Variants in FBXW12 observed in about 807,000 individuals in gnomAD.
FBXW12 encodes the protein F-box/WD repeat-containing protein 12.
FBXW12 carries 43 observed loss-of-function variants against 55.3 expected under a neutral mutation model. The ratio of observed to expected loss-of-function variants is 0.78; its 90% CI spans 0.61 to 1.00. The LOEUF (loss-of-function observed/expected upper bound fraction) is 1.00, where lower values mean the gene tolerates loss of function less well. FBXW12 is among the 50% of genes least tolerant of loss of function. The pLI is 0.00. For missense variants in FBXW12, 524 were observed against 560.5 expected, an observed-to-expected ratio of 0.93 and a Z score of 0.66; for synonymous variants, 184 against 203.8, an observed-to-expected ratio of 0.90 and a Z score of 0.83.
intron 10 of FBXW12, among the ~76,000 whole-genome samples, chr3:48,393,340 C>T (rs1295152645): frequency 6.6e-6 from 1 of 151,994 alleles, no homozygotes; most frequent in East Asian, 1.9e-4. Flanking sequence ...GGGAGATAGT[C>T]GACAGGACTC....
At chr3:48,394,442 C>T (rs191482382) in intron 10 of FBXW12, 118 bp from the exon 11 acceptor site, 67 of 641,638 alleles carry the variant, frequency 1.0e-4, no homozygotes, top group African/African-American at 5.5e-4. Context: ...TCTAAGAGCA[C>T]GAAGGACCAA....
intron 10 of FBXW12, among the ~76,000 whole-genome samples, chr3:48,393,018 A>G (rs909615106): frequency 1.5e-4 from 20 of 135,914 alleles, no homozygotes; most frequent in Non-Finnish European, 2.6e-4. Flanking sequence ...TTTTTGAGAC[A>G]AAGTCTCACT....
intron 10 of FBXW12, among the ~76,000 whole-genome samples, chr3:48,392,861 G>A (rs950380056): frequency 1.4e-4 from 21 of 152,098 alleles, no homozygotes; most frequent in Admixed American, 1.2e-3. Context: ...GATATGTCTG[G>A]TATGAAATTC....
chr3:48,372,782 G>A lies in FBXW12; in HGVS notation c.15G>A (p.Leu5=). 6.2e-7 allele frequency: 1 copy of A among 1,614,222 alleles called. No individual in the cohort carries two copies. The highest frequency in any genetic ancestry group is 8.5e-7 in the Non-Finnish European group (1 of 1,180,028). The part of the protein sequence containing the change: MEIR[L]PDLALKRIFS... ...GGCCGCATGAAATGGAGATCCGATTGCCTGACTTAGCTTTGAAGCGAATCT... is the reference window on the plus strand; with the variant it reads ...GGCCGCATGAAATGGAGATCCGATTACCTGACTTAGCTTTGAAGCGAATCT... The change falls in exon 2 of 11, where the codon TTG becomes TTA. Residue 5 remains leucine, a synonymous_variant. Coordinates refer to ENST00000296438, the MANE Select transcript of FBXW12 (RefSeq NM_207102.2).
chr3:48,373,646 A>C lies in FBXW12; in HGVS notation c.227A>C (p.Glu76Ala), dbSNP rs2036636594. ...KQFFLHQRRK[E>A]LRLALAQPHN... is the part of the protein sequence containing the mutation. ...TTTTTCCTGCATCAAAGAAGGAAGG[A>C]GCTTCGGTTGGCATTGGCACAGCCG... Residue 76 changes from glutamate to alanine, a missense_variant, in exon 4 of 11, where the codon GAG (glutamate) becomes GCG (alanine). Coordinates refer to ENST00000296438, the MANE Select transcript of FBXW12 (RefSeq NM_207102.2). 3.1e-6 allele frequency: 5 copies of C among 1,614,148 alleles called. No individual in the cohort carries two copies. Among genetic ancestry groups the C allele is most frequent in the Admixed American group, 1.7e-5 (1 of 60,022 alleles).
At chr3:48,383,186 C>T (rs2036802241) in intron 10 of FBXW12, among the ~76,000 whole-genome samples, 1 of 152,128 alleles carries the variant, frequency 6.6e-6, no homozygotes, top group Non-Finnish European at 1.5e-5. Context: ...ATGGTTTTTG[C>T]TCTGTATATC....
intron 8 of FBXW12, 129 bp from the exon 9 acceptor site, chr3:48,381,571 C>T (rs2036774312): frequency 1.9e-6 from 2 of 1,042,910 alleles, no homozygotes; most frequent in Admixed American, 3.3e-5. Context: ...CATTTTCTTC[C>T]CCGGAATGAA....
At chr3:48,392,450 C>CAAAAAAA (rs33965777) in intron 10 of FBXW12, among the ~76,000 whole-genome samples, 7 of 72,662 alleles carry the variant, frequency 9.6e-5, no homozygotes, top group Admixed American at 1.9e-4. Flanking sequence ...CACTCAGTCT[C>CAAAAAAA]AAAAAAAAAA....
At position 48,382,024 on chromosome 3, in the gene FBXW12, C is replaced by T; in HGVS notation, c.1234C>T (p.His412Tyr). 2 of 1,614,194 alleles carry T rather than the reference C, an allele frequency of 1.2e-6. No individual in the cohort carries two copies. The highest frequency in any genetic ancestry group is 1.7e-6 in the Non-Finnish European group (2 of 1,180,042). ...GTACATGTGGGAAGAAGGAGGCCGC[C>T]ATCCATACCTCAGGAGCTGCTGTCA... ...HVYMWEEGGRHPYLRSCCHLE... is the reference protein window; with the variant it reads ...HVYMWEEGGRYPYLRSCCHLE... Residue 412 changes from histidine (H) to tyrosine (Y), a missense_variant, in exon 10 of 11, where the codon CAT becomes TAT. Transcript: ENST00000296438.
Position 48,372,690 on chromosome 3 carries a change from A to G in FBXW12, c.-78A>G. 6.2e-7 allele frequency: 1 copy of G among 1,611,556 alleles called. No homozygotes were observed. Among genetic ancestry groups the G allele is most frequent in the African/African-American group, 1.3e-5 (1 of 74,982 alleles). On this transcript the variant is annotated 5_prime_UTR_variant, in exon 2 of 11. Coordinates refer to ENST00000296438, the MANE Select transcript of FBXW12 (RefSeq NM_207102.2). ...GGGTGAAAATCTTTACAAGTGCTGC[A>G]GACTTTGGCAAAGCCTATAAATTCA...
At chr3:48,383,678 C>T (rs888854657) in intron 10 of FBXW12, among the ~76,000 whole-genome samples, 2 of 152,092 alleles carry the variant, frequency 1.3e-5, no homozygotes, top group Non-Finnish European at 2.9e-5. Context: ...TCTAAGATTT[C>T]CTCTAAAAGT....
At chr3:48,383,770 A>AT (rs1003379597) in intron 10 of FBXW12, among the ~76,000 whole-genome samples, 55 of 152,254 alleles carry the variant, frequency 3.6e-4, no homozygotes, top group Middle Eastern at 3.4e-3. Context: ...ATCAAGATGT[A>AT]TTTTTTTGTA....
chr3:48,394,270 A>AAAACAT (rs2036973565), intron 10 of FBXW12, among the ~76,000 whole-genome samples: 1 of 152,046 alleles, frequency 6.6e-6, no homozygotes, highest in Non-Finnish European at 1.5e-5. Flanking sequence ...AACAAAAACA[A>AAAACAT]ACAAAAAAAC....
chr3:48,382,322 G>A (rs989007272), intron 10 of FBXW12, among the ~76,000 whole-genome samples: 18 of 152,058 alleles, frequency 1.2e-4, no homozygotes, highest in South Asian at 6.2e-4. Flanking sequence ...TCCCCATGTT[G>A]GCCAGGATGG....
intron 10 of FBXW12, among the ~76,000 whole-genome samples, chr3:48,391,511 A>T (rs1280302604): frequency 1.3e-5 from 2 of 151,842 alleles, no homozygotes; most frequent in East Asian, 3.9e-4. Flanking sequence ...ACTAATCACT[A>T]CTAGTCACTA....
At chr3:48,385,157 C>T (rs1189437885) in intron 10 of FBXW12, among the ~76,000 whole-genome samples, 1 of 152,150 alleles carries the variant, frequency 6.6e-6, no homozygotes, top group Non-Finnish European at 1.5e-5. Flanking sequence ...CACCATTCTG[C>T]TCTGTGCTTC....
intron 10 of FBXW12, among the ~76,000 whole-genome samples, chr3:48,390,141 A>G (rs1032718746): frequency 1.3e-5 from 2 of 152,164 alleles, no homozygotes; most frequent in East Asian, 1.9e-4. Flanking sequence ...TTGAAGTCAG[A>G]TAATTGATGT....
At chr3:48,384,390 C>T (rs998855415) in intron 10 of FBXW12, among the ~76,000 whole-genome samples, 12 of 152,088 alleles carry the variant, frequency 7.9e-5, no homozygotes, top group Non-Finnish European at 1.2e-4. Flanking sequence ...CCTTGTATCC[C>T]GCAACCTTGC....
At chr3:48,378,281 T>A in intron 5 of FBXW12, 36 bp from the exon 6 acceptor site, 2 of 1,510,110 alleles carry the variant, frequency 1.3e-6, no homozygotes, top group Non-Finnish European at 1.8e-6. Context: ...GTGTAAGGGT[T>A]CCTTGAACAC....
Sources: allele counts gnomAD v4.1 joint callset (sites outside exome capture counted in the v4.1 genomes callset), GRCh38; gene constraint gnomAD v4.1.1; transcripts MANE v1.5; gene names NCBI Gene and HGNC (gene_info 2026-07-23, HGNC 2026-07-21).